Variants in PHC2 observed in about 807,000 individuals in gnomAD.
PHC2 encodes polyhomeotic-like protein 2.
Under a neutral mutation model 87.4 loss-of-function variants are expected in PHC2, and 29 were observed. The observed-to-expected ratio is 0.33, with a 90% CI of 0.25 to 0.45. The LOEUF is 0.45. PHC2 is among the 20% of genes least tolerant of loss of function. PHC2 has a pLI of 1.00. For synonymous variants in PHC2, 438 were observed against 461.7 expected (o/e 0.95, Z 0.66); for missense variants, 857 against 1,136.7 (o/e 0.75, Z 3.54).
intron 2 of PHC2, among the ~76,000 whole-genome samples, chr1:33,372,736 C>T (rs748898375): frequency 2.0e-5 from 3 of 152,234 alleles, no homozygotes. Context: ...CAGAGCCGCA[C>T]GCCAGTGCTT....
chr1:33,347,438 T>C lies in PHC2; in HGVS notation c.1558+6963A>G, dbSNP rs549728326. Reference sequence around the variant, plus strand: ...AGTAAATAATATATATGGAGTGAGCTTGACAAAGGTAAATTAAAAATTAAC... The same window carrying C: ...AGTAAATAATATATATGGAGTGAGCCTGACAAAGGTAAATTAAAAATTAAC... On this transcript the variant is annotated intron_variant, in intron 9 of 14. Transcript: ENST00000683057. The C allele has an allele frequency of 3.1e-5, 31 of 985,212 alleles. 1 individual carries two copies. In the South Asian group the frequency reaches 1.1e-3, roughly 36 times the overall value. 61.0% of individuals were successfully genotyped at this position (985,212 alleles called of 1,614,324 possible).
chr1:33,378,640 A>C (rs1648301864), intron 1 of PHC2, among the ~76,000 whole-genome samples: 1 of 152,204 alleles, frequency 6.6e-6, no homozygotes, highest in Non-Finnish European at 1.5e-5. Flanking sequence ...TGAATTGCAC[A>C]CTTAAAATCT....
chr1:33,421,614 G>A (rs989814820), intron 1 of PHC2, among the ~76,000 whole-genome samples: 2 of 152,146 alleles, frequency 1.3e-5, no homozygotes, highest in Non-Finnish European at 2.9e-5. Flanking sequence ...ATAGACAAGA[G>A]AAGCTGAAAA....
Position 33,324,047 on chromosome 1 carries a change from G to A in PHC2, c.*818C>T, listed in dbSNP as rs375043378. Reference sequence around the variant, plus strand: ...AATGCTCTTTGTGAACCAGGAGGGCGGTCAGGGGAACTTCACAGTGCGGGG... The same window carrying A: ...AATGCTCTTTGTGAACCAGGAGGGCAGTCAGGGGAACTTCACAGTGCGGGG... On this transcript the variant is annotated 3_prime_UTR_variant, in exon 15 of 15. Transcript: ENST00000683057. 4.0e-4 allele frequency: 61 copies of A among 152,524 alleles called. 1 individual carries two copies. The South Asian group carries it at 0.012, about 29-fold the overall frequency. The allele number at this position is 152,524 out of a possible 1,614,324, so 9.4% of individuals were successfully genotyped here.
intron 1 of PHC2, among the ~76,000 whole-genome samples, chr1:33,408,687 G>A (rs1227751474): frequency 1.3e-5 from 2 of 151,974 alleles, no homozygotes; most frequent in African/African-American, 4.8e-5. Context: ...GGCTGGTCTC[G>A]AACTCCTAAC....
At chr1:33,418,438 G>A (rs1650297767) in intron 1 of PHC2, among the ~76,000 whole-genome samples, 1 of 151,974 alleles carries the variant, frequency 6.6e-6, no homozygotes, top group South Asian at 2.1e-4. Context: ...GACATGAAAA[G>A]GATAATGAAA....
intron 1 of PHC2, among the ~76,000 whole-genome samples, chr1:33,389,064 A>G (rs1648915861): frequency 7.7e-6 from 1 of 130,698 alleles, no homozygotes; most frequent in Non-Finnish European, 1.7e-5. Flanking sequence ...CTTGTTAAAA[A>G]AAAAAAAAAA....
intron 1 of PHC2, among the ~76,000 whole-genome samples, chr1:33,410,518 G>A (rs973731875): frequency 4.6e-5 from 7 of 152,212 alleles, no homozygotes; most frequent in Non-Finnish European, 8.8e-5. Flanking sequence ...AGAAAGGACT[G>A]GGAAATGTAG....
At chr1:33,370,737 C>T in intron 4 of PHC2, 152 bp from the exon 5 acceptor site, 1 of 769,588 alleles carries the variant, frequency 1.3e-6, no homozygotes, top group Non-Finnish European at 2.1e-6. Context: ...AGCAATCCCC[C>T]AGCCCTGTCC....
chr1:33,425,646 A>G (rs1000545940), intron 1 of PHC2, among the ~76,000 whole-genome samples: 1 of 152,230 alleles, frequency 6.6e-6, no homozygotes, highest in Non-Finnish European at 1.5e-5. Flanking sequence ...GTCTTAAAAG[A>G]TAAGTAGAAA....
chr1:33,356,879 G>A (rs1006081308), intron 7 of PHC2, among the ~76,000 whole-genome samples: 6 of 151,750 alleles, frequency 4.0e-5, no homozygotes, highest in Admixed American at 6.6e-5. Flanking sequence ...AGGCAGAGGC[G>A]CCCCCCCACC....
At position 33,334,382 on chromosome 1, in the gene PHC2, C is replaced by T. The variant is rs898765612; in HGVS notation, c.1559-90G>A. On this transcript the variant is annotated intron_variant, in intron 9 of 14. Coordinates refer to ENST00000683057, the MANE Select transcript of PHC2 (RefSeq NM_001385109.1). This position sits in a 1 kb window ranked among gnomAD's most constrained non-coding sequence, Gnocchi z 5.5. ...GGACAGCAAGGACTCAAACTGCGCCCGGCTTTTACCGTGGGGCCAAGCGAC... is the reference window on the plus strand; with the variant it reads ...GGACAGCAAGGACTCAAACTGCGCCTGGCTTTTACCGTGGGGCCAAGCGAC... The T allele has an allele frequency of 4.2e-5, 49 of 1,166,734 alleles. No individual in the cohort carries two copies. The highest frequency in any genetic ancestry group is 5.0e-5 in the Non-Finnish European group (40 of 806,604). 72.3% of individuals were successfully genotyped at this position (1,166,734 alleles called of 1,614,324 possible). A position where few individuals can be genotyped will look rare whatever the true frequency, so the allele number is the denominator to read the frequency against.
In PHC2 at chr1:33,347,686, G is replaced by A. The variant is rs536756925; in HGVS notation, c.1558+6715C>T. The A allele has an allele frequency of 8.1e-6, 8 of 985,482 alleles. No individual in the cohort carries two copies. In the East Asian group the frequency reaches 7.9e-4, roughly 98 times the overall value. The allele number at this position is 985,482 out of a possible 1,614,324, so 61.0% of individuals were successfully genotyped here. A position where few individuals can be genotyped will look rare whatever the true frequency, so the allele number is the denominator to read the frequency against. ...CCCTTTCTCAAGATTCAGGCTGGAG[G>A]AAAAAGATGTCTATTCTTCCCTGTG... On this transcript the variant is annotated intron_variant, in intron 9 of 14. Transcript: ENST00000683057.
At position 33,349,667 on chromosome 1, in the gene PHC2, G is replaced by T. The variant is rs1176124164; in HGVS notation, c.1558+4734C>A. 1.0e-6 allele frequency: 1 copy of T among 982,750 alleles called. No homozygotes were observed. The highest frequency in any genetic ancestry group is 1.2e-6 in the Non-Finnish European group (1 of 829,446). The allele number at this position is 982,750 out of a possible 1,614,324, so 60.9% of individuals were successfully genotyped here. A position where few individuals can be genotyped will look rare whatever the true frequency, so the allele number is the denominator to read the frequency against. On this transcript the variant is annotated intron_variant, in intron 9 of 14. Coordinates refer to ENST00000683057, the MANE Select transcript of PHC2 (RefSeq NM_001385109.1). This position sits in a 1 kb window ranked among gnomAD's most constrained non-coding sequence, Gnocchi z 4.2. Reference sequence around the variant, plus strand: ...CCCTCGGCCGGGCGCCGACTCGCGCGGGGTCCCGGGCCCGGGCGGGCCGCC... The same window carrying T: ...CCCTCGGCCGGGCGCCGACTCGCGCTGGGTCCCGGGCCCGGGCGGGCCGCC...
intron 9 of PHC2, chr1:33,345,418 G>T: frequency 2.9e-6 from 1 of 345,652 alleles, no homozygotes; most frequent in Non-Finnish European, 4.1e-6. Context: ...CTCTTCTTTT[G>T]GACTTACCTA....
chr1:33,405,885 T>C (rs1431745894), intron 1 of PHC2, among the ~76,000 whole-genome samples: 2 of 152,238 alleles, frequency 1.3e-5, no homozygotes, highest in African/African-American at 2.4e-5. Flanking sequence ...TATGAAATTG[T>C]TGACACTAGC....
chr1:33,359,575 G>A (rs1213571869), intron 7 of PHC2, among the ~76,000 whole-genome samples: 2 of 152,190 alleles, frequency 1.3e-5, no homozygotes, highest in Non-Finnish European at 2.9e-5. Flanking sequence ...TACTATGGTT[G>A]GTACTGGCTA....
At chr1:33,426,933 A>T (rs1024317844) in intron 1 of PHC2, among the ~76,000 whole-genome samples, 1 of 152,226 alleles carries the variant, frequency 6.6e-6, no homozygotes, top group African/African-American at 2.4e-5. Flanking sequence ...AAGAATTTCA[A>T]GACAGCAACA....
chr1:33,411,546 T>G (rs1173295134), intron 1 of PHC2, among the ~76,000 whole-genome samples: 3 of 152,144 alleles, frequency 2.0e-5, no homozygotes, highest in East Asian at 3.9e-4. Context: ...AGTGATCATA[T>G]GATCATCTTT....
Sources: gnomAD v4.1 joint callset for allele counts (sites outside exome capture counted in the v4.1 genomes callset) on GRCh38, gnomAD v4.1.1 for gene constraint, Gnocchi (gnomAD v3.1) non-coding constraint, MANE v1.5 for transcripts, NCBI Gene and HGNC (gene_info 2026-07-23, HGNC 2026-07-21) for gene names.